The following MAP3K21 variants were observed in gnomAD, a reference collection of about 807,000 sequenced individuals.
The protein encoded by MAP3K21 is mitogen-activated protein kinase kinase kinase 21.
In MAP3K21, 63 loss-of-function variants were observed where a neutral mutation model predicts 86.1. That is an observed-to-expected ratio of 0.73 (90% CI 0.60 to 0.90). MAP3K21 has a LOEUF of 0.90. Among genes scored for constraint, MAP3K21 ranks in the 40% least tolerant of loss-of-function variants. MAP3K21 has a pLI of 0.00. For missense variants in MAP3K21, 1,220 were observed against 1,367.7 expected (o/e 0.89, Z 1.70); for synonymous variants, 558 against 564.8 (o/e 0.99, Z 0.17).
chr1:233,357,156 A>T (rs1663374325), intron 4 of MAP3K21, among the ~76,000 whole-genome samples: 1 of 152,186 alleles, frequency 6.6e-6, no homozygotes, highest in African/African-American at 2.4e-5. Context: ...TTGCAAGGAC[A>T]AAAAACCAAA....
intron 2 of MAP3K21, among the ~76,000 whole-genome samples, chr1:233,347,670 G>C (rs1308769539): frequency 6.6e-6 from 1 of 152,176 alleles, no homozygotes; most frequent in Non-Finnish European, 1.5e-5. Context: ...ATAAGTAGGA[G>C]CTTAACATTG....
At chr1:233,357,589 C>T (rs1347899846) in intron 4 of MAP3K21, among the ~76,000 whole-genome samples, 1 of 152,170 alleles carries the variant, frequency 6.6e-6, no homozygotes, top group Non-Finnish European at 1.5e-5. Flanking sequence ...ACCAATCCCA[C>T]CTGCCCTGTT....
Position 233,366,132 on chromosome 1 carries a change from C to T in MAP3K21, c.1552+3839C>T, listed in dbSNP as rs927318492. Among the ~76,000 whole-genome samples, 25 of 151,114 alleles carry T rather than the reference C, an allele frequency of 1.7e-4. No homozygotes were observed. The East Asian group carries it at 1.8e-3, about 11-fold the overall frequency. ...GCATGTTCTCACATATATGTGGGAG[C>T]GAAAAAAATTGGAGTCCGTGGAAAT... On this transcript the variant is annotated intron_variant, in intron 5 of 9. Transcript: ENST00000366624.
chr1:233,362,430 A>G, intron 5 of MAP3K21, 137 bp downstream of exon 5: 1 of 916,240 alleles, frequency 1.1e-6, no homozygotes, highest in Non-Finnish European at 1.7e-6. Context: ...CTTCAGCTGT[A>G]GGCTTAGATT....
intron 5 of MAP3K21, among the ~76,000 whole-genome samples, chr1:233,367,586 G>A (rs116640816): frequency 3.9e-5 from 6 of 152,160 alleles, no homozygotes; most frequent in South Asian, 2.1e-4. Flanking sequence ...TTGGCTGGGC[G>A]TGGTGGCTCA....
chr1:233,342,903 C>G (rs141023841), intron 1 of MAP3K21, among the ~76,000 whole-genome samples: 2 of 152,046 alleles, frequency 1.3e-5, no homozygotes, highest in Non-Finnish European at 2.9e-5. Flanking sequence ...GGACATATAG[C>G]CATCCTAAAT....
At position 233,339,195 on chromosome 1, in the gene MAP3K21, TTTCTTCTTCTTC is replaced by T. The variant is rs71173272; in HGVS notation, c.806-7186_806-7175del. The stretch of plus-strand genomic sequence containing the variant: ...GCTACAATTATTTTTAAAACAATCA[TTTCTTCTTCTTC>T]TTCTTCTTCTTCTTCTTCTTCTTCT... On this transcript the variant is annotated intron_variant, in intron 1 of 9. Transcript: ENST00000366624. Among the ~76,000 whole-genome samples, 933 of 115,466 alleles carry T rather than the reference TTTCTTCTTCTTC, an allele frequency of 8.1e-3. 34 individuals carry two copies. The highest frequency in any genetic ancestry group is 0.013 in the Middle Eastern group (3 of 226). The allele number at this position is 115,466 out of a possible 152,430, so 75.8% of individuals were successfully genotyped here.
chr1:233,338,046 G>A (rs1662950091), intron 1 of MAP3K21, among the ~76,000 whole-genome samples: 1 of 152,124 alleles, frequency 6.6e-6, no homozygotes, highest in Non-Finnish European at 1.5e-5. Flanking sequence ...GCCTCAGTAT[G>A]CTTTATTATG....
Position 233,353,960 on chromosome 1 carries a change from T to A in MAP3K21, c.1135+5T>A. The A allele has an allele frequency of 8.7e-6, 11 of 1,268,666 alleles. No individual in the cohort carries two copies. The highest frequency in any genetic ancestry group is 1.1e-5 in the Non-Finnish European group (11 of 958,416). 78.6% of individuals were successfully genotyped at this position (1,268,666 alleles called of 1,614,324 possible). On this transcript the variant is annotated splice_donor_5th_base_variant and intron_variant, in intron 3 of 9. Transcript: ENST00000366624. ...CGTTTGCCAAGCTCATGAAAGGTAT[T>A]GTGTGTGTGTGTGTGTGTCTTTGTG...
At chr1:233,372,347 C>A in intron 6 of MAP3K21, 187 bp downstream of exon 6, 2 of 637,182 alleles carry the variant, frequency 3.1e-6, no homozygotes, top group Non-Finnish European at 4.9e-6. Flanking sequence ...TTCTTCTACT[C>A]ACAAAAAATG....
rs752734883 is a variant in MAP3K21 at position 233,372,156 on chromosome 1, A to G, written c.1671A>G (p.Ile557Met). Residue 557 changes from isoleucine (I) to methionine (M), a missense_variant, in exon 6 of 10, where the codon ATA becomes ATG. Physicochemically the swap from Ile to Met is conservative, Grantham distance 10 (BLOSUM62 1). Around this residue, in one of 5 missense-constraint regions of MAP3K21, gnomAD observed 632 missense variants for 691.3 expected, o/e 0.91. Transcript: ENST00000366624. The part of the protein sequence containing the change: ...SPTMMPRLRA[I>M]QLTSDESNKT... ...CAATGATGCCCCGACTCCGAGCCAT[A>G]CAGTGTGAGCTTTCTGCACTGCCAC... is the stretch of plus-strand genomic sequence containing the variant. 6 of 1,613,996 alleles carry G rather than the reference A, an allele frequency of 3.7e-6. No homozygotes were observed. In the African/African-American group the frequency reaches 6.7e-5, roughly 18 times the overall value.
At chr1:233,346,156 G>A (rs1053335618) in intron 1 of MAP3K21, among the ~76,000 whole-genome samples, 4 of 152,058 alleles carry the variant, frequency 2.6e-5, no homozygotes, top group Non-Finnish European at 5.9e-5. Context: ...GATCCTACTT[G>A]TGATATCTCA....
chr1:233,375,969 G>C lies in MAP3K21; in HGVS notation c.1729G>C (p.Glu577Gln), dbSNP rs1299156646. The C allele has an allele frequency of 8.7e-6, 14 of 1,609,196 alleles. No homozygotes were observed. Among genetic ancestry groups the C allele is most frequent in the Non-Finnish European group, 1.2e-5 (14 of 1,178,700 alleles). Reference protein sequence around the residue: ...TWGRNTVFRQEEFEDVKRNFK... With the variant: ...TWGRNTVFRQQEFEDVKRNFK... ...GGGAAGGAACACAGTCTTTCGACAA[G>C]AAGAATTTGAGGATGTAAAAAGGAA... Residue 577 changes from glutamate (E) to glutamine (Q), a missense_variant, in exon 7 of 10, where the codon GAA (glutamate) becomes CAA (glutamine). Glu to Gln is a conservative substitution (Grantham distance 29). Around this residue, in one of 5 missense-constraint regions of MAP3K21, gnomAD observed 632 missense variants for 691.3 expected, o/e 0.91. Coordinates refer to ENST00000366624, the MANE Select transcript of MAP3K21 (RefSeq NM_032435.3).
intron 2 of MAP3K21, among the ~76,000 whole-genome samples, chr1:233,352,527 T>A (rs1416778788): frequency 6.6e-6 from 1 of 151,720 alleles, no homozygotes; most frequent in African/African-American, 2.4e-5. Context: ...GCCTCTGAGG[T>A]TCAAGTGATT....
At chr1:233,375,841 T>G in intron 6 of MAP3K21, 75 bp from the exon 7 acceptor site, 1 of 1,182,046 alleles carries the variant, frequency 8.5e-7, no homozygotes, top group South Asian at 1.3e-5. Context: ...ATATGATTCA[T>G]TTAGCTTTTT....
chr1:233,351,095 C>G (rs1291417125), intron 2 of MAP3K21, among the ~76,000 whole-genome samples: 1 of 123,870 alleles, frequency 8.1e-6, no homozygotes, highest in Non-Finnish European at 1.7e-5. Flanking sequence ...TTTAGTTATT[C>G]TATGTAAGTT....
intron 1 of MAP3K21, among the ~76,000 whole-genome samples, chr1:233,334,164 C>CTTTTTT (rs60541029): frequency 8.0e-5 from 11 of 136,886 alleles, no homozygotes; most frequent in African/African-American, 2.8e-4. Flanking sequence ...CGTGCCTGGA[C>CTTTTTT]TTTTTTTTTT....
In MAP3K21 at chr1:233,328,083, G is replaced by T; in HGVS notation, c.55G>T (p.Gly19Ter). Residue 19 changes from glycine to a stop codon, truncating the protein, a stop_gained, in exon 1 of 10, where the codon GGA becomes TGA. Coordinates refer to ENST00000366624, the MANE Select transcript of MAP3K21 (RefSeq NM_032435.3). LOFTEE classifies it high-confidence loss of function. The surrounding 1 kb of genome is among the most constrained non-coding windows in gnomAD (Gnocchi z 8.7). ...CGACACCCCGGTGTCCTCGGCCGGG[G>T]GAGCCCCCGGCGGCTCAGCGTCCTC... ...ATDTPVSSAG[G>*]APGGSASSSS... The T allele has an allele frequency of 7.4e-7, 1 of 1,360,100 alleles. No individual in the cohort carries two copies. Among genetic ancestry groups the T allele is most frequent in the Non-Finnish European group, 9.4e-7 (1 of 1,063,598 alleles). The allele number at this position is 1,360,100 out of a possible 1,614,324, so 84.3% of individuals were successfully genotyped here. A position where few individuals can be genotyped will look rare whatever the true frequency, so the allele number is the denominator to read the frequency against.
intron 4 of MAP3K21, among the ~76,000 whole-genome samples, chr1:233,356,200 A>G (rs1663349547): frequency 6.6e-6 from 1 of 152,102 alleles, no homozygotes; most frequent in African/African-American, 2.4e-5. Context: ...GGGTGATCAG[A>G]GTGTCTTGTG....
Sources: gnomAD v4.1 joint callset for allele counts (sites outside exome capture counted in the v4.1 genomes callset) on GRCh38, gnomAD v4.1.1 for gene constraint, gnomAD v4.1.1 regional missense constraint, Gnocchi (gnomAD v3.1) non-coding constraint, MANE v1.5 for transcripts, NCBI Gene and HGNC (gene_info 2026-07-23, HGNC 2026-07-21) for gene names.